Variants in NFKB1 observed in about 807,000 individuals in gnomAD.
NFKB1 encodes the protein nuclear factor NF-kappa-B p105 subunit.
Under a neutral mutation model 105.1 loss-of-function variants are expected in NFKB1, and 9 were observed. The ratio of observed to expected loss-of-function variants is 0.09; its 90% CI spans 0.05 to 0.15. NFKB1 has a LOEUF of 0.15. Among genes scored for constraint, NFKB1 ranks in the 10% least tolerant of loss-of-function variants. The pLI is 1.00. For missense variants in NFKB1, 830 were observed against 1,203.7 expected, an observed-to-expected ratio of 0.69 and a Z score of 4.59; for synonymous variants, 440 against 442.2, an observed-to-expected ratio of 1.00 and a Z score of 0.06.
chr4:102,607,269 C>G lies in NFKB1; in HGVS notation c.2074C>G (p.Leu692Val), dbSNP rs779211179. 1 of 1,614,222 alleles carries G rather than the reference C, an allele frequency of 6.2e-7. No homozygotes were observed. The highest frequency in any genetic ancestry group is 8.5e-7 in the Non-Finnish European group (1 of 1,180,020). ...GAAGTCCGGGCGCACAGCACTGCAC[C>G]TGGCTGTGGAGCACGACAACATCTC... is the stretch of plus-strand genomic sequence containing the variant. ...EQKSGRTALH[L>V]AVEHDNISLA... Residue 692 changes from leucine to valine, a missense_variant, in exon 18 of 24, where the codon CTG (leucine) becomes GTG (valine). Transcript: ENST00000226574.
At chr4:102,564,697 C>G (rs1723715454) in intron 5 of NFKB1, among the ~76,000 whole-genome samples, 2 of 152,294 alleles carry the variant, frequency 1.3e-5, no homozygotes, top group South Asian at 4.1e-4. Flanking sequence ...GTACCAGAGA[C>G]TAATTGCCTC....
rs551312422 is a variant in NFKB1, at chr4:102,561,265, CTTT to C, written c.259-5707_259-5705del. Among the ~76,000 whole-genome samples the C allele has an allele frequency of 1.2e-3, 159 of 138,208 alleles. 1 individual carries two copies. The highest frequency in any genetic ancestry group is 1.9e-3 in the Admixed American group (26 of 13,752). 90.7% of individuals were successfully genotyped at this position (138,208 alleles called of 152,430 possible). A position where few individuals can be genotyped will look rare whatever the true frequency, so the allele number is the denominator to read the frequency against. The stretch of plus-strand genomic sequence containing the variant: ...TAGCGTTATTCTCTTTCTTTCTTTC[CTTT>C]TTTTTTTTTTTTTTGTGTGTGTGTG... On this transcript the variant is annotated intron_variant, in intron 5 of 23. Transcript: ENST00000226574.
intron 9 of NFKB1, among the ~76,000 whole-genome samples, chr4:102,582,632 TA>T (rs948501430): frequency 1.3e-5 from 2 of 152,184 alleles, no homozygotes; most frequent in East Asian, 1.9e-4. Context: ...TCAAGTTAAC[TA>T]GGTAAATCTA....
In NFKB1 at chr4:102,585,809, G is replaced by A. The variant is rs75248827; in HGVS notation, c.1066+989G>A. Among the ~76,000 whole-genome samples the A allele has an allele frequency of 2.6e-5, 4 of 152,052 alleles. 1 individual carries two copies. The highest frequency in any genetic ancestry group is 2.6e-4 in the Admixed American group (4 of 15,256). ...CATTTGGGGTATATTTCAGCAGTTGGGTGTTAAACAGAGAAGGAGAGGGTT... is the reference window on the plus strand; with the variant it reads ...CATTTGGGGTATATTTCAGCAGTTGAGTGTTAAACAGAGAAGGAGAGGGTT... On this transcript the variant is annotated intron_variant, in intron 11 of 23. Coordinates refer to ENST00000226574, the MANE Select transcript of NFKB1 (RefSeq NM_003998.4).
rs942332661 is a variant in NFKB1, at chr4:102,614,640, G to A, written c.2749+1059G>A. 3.9e-5 allele frequency among the ~76,000 whole-genome samples: 6 copies of A among 152,112 alleles called. No individual in the cohort carries two copies. In the East Asian group the frequency reaches 5.8e-4, roughly 15 times the overall value. On this transcript the variant is annotated intron_variant, in intron 23 of 23. Transcript: ENST00000226574. Reference sequence around the variant, plus strand: ...CAGGCCTGCTGTCCTCACAGTGACCGGTCACCTCCACATTGCCAGATCTGG... The same window carrying A: ...CAGGCCTGCTGTCCTCACAGTGACCAGTCACCTCCACATTGCCAGATCTGG...
At chr4:102,538,011 C>G in intron 5 of NFKB1, 55 bp downstream of exon 5, 1 of 1,132,264 alleles carries the variant, frequency 8.8e-7, no homozygotes, top group Non-Finnish European at 1.3e-6. Flanking sequence ...TGATTTCCTA[C>G]GATTTCCAAG....
chr4:102,598,657 G>A (rs1266270569), intron 15 of NFKB1, among the ~76,000 whole-genome samples: 1 of 152,168 alleles, frequency 6.6e-6, no homozygotes, highest in African/African-American at 2.4e-5. Flanking sequence ...CTTTTTCAGG[G>A]TTAAATAATC....
chr4:102,526,060 TCTA>T (rs1740891825), intron 2 of NFKB1, among the ~76,000 whole-genome samples: 1 of 152,204 alleles, frequency 6.6e-6, no homozygotes, highest in Non-Finnish European at 1.5e-5. Flanking sequence ...CCGGCGTGTC[TCTA>T]CTGTGTCTCT....
rs1739011367 is a variant in NFKB1 at position 102,501,508 on chromosome 4, G to T, written c.-288G>T. ...GCACGCAGCCACCGGCCCCGCTCCC[G>T]GAGCCCAGCGCCGCCGAGGCCGCAG... is the stretch of plus-strand genomic sequence containing the variant. On this transcript the variant is annotated 5_prime_UTR_variant, in exon 1 of 24. Transcript: ENST00000226574. 6.7e-6 allele frequency: 1 copy of T among 149,164 alleles called. No individual in the cohort carries two copies. The highest frequency in any genetic ancestry group is 2.1e-4 in the South Asian group (1 of 4,860). The allele number at this position is 149,164 out of a possible 1,614,324, so 9.2% of individuals were successfully genotyped here. A position where few individuals can be genotyped will look rare whatever the true frequency, so the allele number is the denominator to read the frequency against.
At chr4:102,599,148 T>C (rs1726912062) in intron 15 of NFKB1, among the ~76,000 whole-genome samples, 1 of 152,194 alleles carries the variant, frequency 6.6e-6, no homozygotes, top group South Asian at 2.1e-4. Flanking sequence ...AGGGGGAATG[T>C]ACTTCTGCTA....
chr4:102,515,399 C>T lies in NFKB1; in HGVS notation c.-7-10113C>T, dbSNP rs532747321. Among the ~76,000 whole-genome samples the T allele has an allele frequency of 7.9e-5, 12 of 152,130 alleles. No individual in the cohort carries two copies. The South Asian group carries it at 8.3e-4, about 11-fold the overall frequency. ...TGCTGGGATTACAGGCGTGAGCCAC[C>T]GCGCCCGGCCCCATGTAATATTATT... On this transcript the variant is annotated intron_variant, in intron 1 of 23. Transcript: ENST00000226574.
chr4:102,517,482 A>G (rs1404178631), intron 1 of NFKB1, among the ~76,000 whole-genome samples: 1 of 152,128 alleles, frequency 6.6e-6, no homozygotes, highest in Non-Finnish European at 1.5e-5. Flanking sequence ...AAAACAAAAA[A>G]ACCAGTGTTT....
chr4:102,597,463 A>G (rs111883179), intron 14 of NFKB1, 57 bp from the exon 15 acceptor site: 17 of 1,546,336 alleles, frequency 1.1e-5, no homozygotes, highest in Non-Finnish European at 1.5e-5. Context: ...TAAGCATGCC[A>G]TACCCATAAA....
rs768626739 is a variant in NFKB1 at position 102,606,609 on chromosome 4, A to T, written c.1866A>T (p.Leu622=). Reference sequence around the variant, plus strand: ...GCTTGGGTAACTCTGTTTTGCACCTAGCTGCCAAAGAAGGACATGATAAAG... The same window carrying T: ...GCTTGGGTAACTCTGTTTTGCACCTTGCTGCCAAAGAAGGACATGATAAAG... ...LDRLGNSVLH[L]AAKEGHDKVL... Residue 622 remains leucine, a synonymous_variant, in exon 17 of 24, where the codon CTA becomes CTT. Coordinates refer to ENST00000226574, the MANE Select transcript of NFKB1 (RefSeq NM_003998.4). 1 of 1,614,186 alleles carries T rather than the reference A, an allele frequency of 6.2e-7. No individual in the cohort carries two copies. Among genetic ancestry groups the T allele is most frequent in the African/African-American group, 1.3e-5 (1 of 75,054 alleles).
At chr4:102,562,852 T>C (rs1723549600) in intron 5 of NFKB1, among the ~76,000 whole-genome samples, 1 of 152,104 alleles carries the variant, frequency 6.6e-6, no homozygotes, top group South Asian at 2.1e-4. Flanking sequence ...CGTTTGAAAA[T>C]TGTGTATTTT....
At chr4:102,549,530 G>T (rs1230755756) in intron 5 of NFKB1, among the ~76,000 whole-genome samples, 1 of 150,860 alleles carries the variant, frequency 6.6e-6, no homozygotes, top group Non-Finnish European at 1.5e-5. Context: ...AAGTTTCATG[G>T]TGTTGAGTTA....
intron 5 of NFKB1, among the ~76,000 whole-genome samples, chr4:102,539,740 A>G (rs548298409): frequency 6.6e-6 from 1 of 152,160 alleles, no homozygotes; most frequent in Non-Finnish European, 1.5e-5. Context: ...AGACTCAGAG[A>G]ATGGAATTAT....
chr4:102,602,861 C>T lies in NFKB1; in HGVS notation c.1752+1852C>T, dbSNP rs78876876. 8.9e-3 allele frequency among the ~76,000 whole-genome samples: 1,348 copies of T among 152,184 alleles called. 21 individuals are homozygous for T. The highest frequency in any genetic ancestry group is 0.031 in the African/African-American group (1,293 of 41,506). ...ATACCGTTTTGGGGTCATTGGTATC[C>T]GTAAGGTCATTTTGCCTGTAAAGCT... On this transcript the variant is annotated intron_variant, in intron 16 of 23. Coordinates refer to ENST00000226574, the MANE Select transcript of NFKB1 (RefSeq NM_003998.4).
chr4:102,588,971 G>A (rs765262003), intron 11 of NFKB1, among the ~76,000 whole-genome samples: 13 of 152,128 alleles, frequency 8.5e-5, no homozygotes, highest in Non-Finnish European at 1.3e-4. Flanking sequence ...AAAGCAGACC[G>A]CAAGGATAAA....
Sources: allele counts gnomAD v4.1 joint callset (sites outside exome capture counted in the v4.1 genomes callset), GRCh38; gene constraint gnomAD v4.1.1; transcripts MANE v1.5; gene names NCBI Gene and HGNC (gene_info 2026-07-23, HGNC 2026-07-21).